CFI: variants seen among roughly 807,000 people sequenced by gnomAD.
CFI encodes the protein complement factor I.
Under a neutral mutation model 78.8 loss-of-function variants are expected in CFI, and 66 were observed. That is an observed-to-expected ratio of 0.84 (90% CI 0.69 to 1.03). The LOEUF (loss-of-function observed/expected upper bound fraction) is 1.03, where lower values mean the gene tolerates loss of function less well. Among genes scored for constraint, CFI ranks in the 50% least tolerant of loss-of-function variants. The pLI is 0.00. For missense variants in CFI, 706 were observed against 704.5 expected, an observed-to-expected ratio of 1.00 and a Z score of -0.02; for synonymous variants, 250 against 232.6, an observed-to-expected ratio of 1.07 and a Z score of -0.68.
chr4:109,777,450 T>C (rs4355392), intron 1 of CFI, among the ~76,000 whole-genome samples: 61,368 of 151,828 alleles, frequency 0.4, 13,319 homozygotes, highest in Admixed American at 0.53. Context: ...AATATATATG[T>C]ACCCAATACA....
intron 8 of CFI, 71 bp downstream of exon 8, chr4:109,752,397 A>G (rs1725251430): frequency 7.6e-7 from 1 of 1,315,774 alleles, no homozygotes; most frequent in African/African-American, 1.4e-5. Context: ...TCAATTATAT[A>G]TATGCAAATG....
In CFI at chr4:109,792,505, C is replaced by T. The variant is rs552911698; in HGVS notation, c.57+9410G>A. ...GCATGAGAATCACTTGAATCAGCTGCAGTGAGCCGATATCATGCCACTGCA... is the reference window on the plus strand; with the variant it reads ...GCATGAGAATCACTTGAATCAGCTGTAGTGAGCCGATATCATGCCACTGCA... On this transcript the variant is annotated intron_variant, in intron 1 of 12. Coordinates refer to ENST00000394634, the MANE Select transcript of CFI (RefSeq NM_000204.5). Among the ~76,000 whole-genome samples, 6 of 152,134 alleles carry T rather than the reference C, an allele frequency of 3.9e-5. No homozygotes were observed. The South Asian group carries it at 1.2e-3, about 32-fold the overall frequency.
intron 1 of CFI, among the ~76,000 whole-genome samples, chr4:109,777,770 A>T (rs1283081024): frequency 6.6e-6 from 1 of 152,202 alleles, no homozygotes; most frequent in East Asian, 1.9e-4. Flanking sequence ...AACAGAAATT[A>T]TAACAAACTG....
At chr4:109,732,622 C>CTGAGA in the CFI span, among the ~76,000 whole-genome samples, 11 of 152,046 alleles carry the variant, frequency 7.2e-5, no homozygotes, top group African/African-American at 2.7e-4. Flanking sequence ...CTTTGGGAGG[C>CTGAGA]TGAGATGGGC....
At position 109,793,987 on chromosome 4, in the gene CFI, C is replaced by T. The variant is rs542463580; in HGVS notation, c.57+7928G>A. ...TTTTACTTTCAACAAATAAAATTTTCATCTGCCCTCCATGGTTTCTGATGA... is the reference window on the plus strand; with the variant it reads ...TTTTACTTTCAACAAATAAAATTTTTATCTGCCCTCCATGGTTTCTGATGA... On this transcript the variant is annotated intron_variant, in intron 1 of 12. Coordinates refer to ENST00000394634, the MANE Select transcript of CFI (RefSeq NM_000204.5). 327 of 152,348 alleles carry T rather than the reference C, an allele frequency of 2.1e-3. 1 individual carries two copies. The highest frequency in any genetic ancestry group is 7.3e-3 in the African/African-American group (303 of 41,582). The allele number at this position is 152,348 out of a possible 1,614,324, so 9.4% of individuals were successfully genotyped here. A position where few individuals can be genotyped will look rare whatever the true frequency, so the allele number is the denominator to read the frequency against.
intron 1 of CFI, among the ~76,000 whole-genome samples, chr4:109,793,111 T>G (rs1035249334): frequency 6.6e-6 from 1 of 152,208 alleles, no homozygotes; most frequent in African/African-American, 2.4e-5. Flanking sequence ...CTCTCTTTAT[T>G]TCCTTCTGTG....
chr4:109,773,827 T>C (rs1384010370), intron 1 of CFI, among the ~76,000 whole-genome samples: 1 of 152,236 alleles, frequency 6.6e-6, no homozygotes, highest in Non-Finnish European at 1.5e-5. Context: ...ATCCTACAAA[T>C]GCAGATTTTT....
rs1727350326 is a variant in CFI at position 109,763,584 on chromosome 4, T to C, written c.482+953A>G. 3.3e-5 allele frequency among the ~76,000 whole-genome samples: 5 copies of C among 152,224 alleles called. No individual in the cohort carries two copies. In the South Asian group the frequency reaches 1.0e-3, roughly 32 times the overall value. Reference sequence around the variant, plus strand: ...AATTAAAACAAATCTAGATATGTGCTGTTTATAAGGAACATGCTTAAAATC... The same window carrying C: ...AATTAAAACAAATCTAGATATGTGCCGTTTATAAGGAACATGCTTAAAATC... On this transcript the variant is annotated intron_variant, in intron 3 of 12. Coordinates refer to ENST00000394634, the MANE Select transcript of CFI (RefSeq NM_000204.5).
At chr4:109,790,617 T>C (rs573895874) in intron 1 of CFI, among the ~76,000 whole-genome samples, 1 of 152,272 alleles carries the variant, frequency 6.6e-6, no homozygotes, top group South Asian at 2.1e-4. Flanking sequence ...AGGCCCAGTG[T>C]GTCTGATAGG....
At chr4:109,790,936 C>A (rs573401702) in intron 1 of CFI, among the ~76,000 whole-genome samples, 1 of 152,148 alleles carries the variant, frequency 6.6e-6, no homozygotes, top group Non-Finnish European at 1.5e-5. Context: ...TATGATAGAA[C>A]AATTTGTACT....
chr4:109,731,758 T>C, the CFI span, among the ~76,000 whole-genome samples: 2 of 152,172 alleles, frequency 1.3e-5, no homozygotes, highest in Non-Finnish European at 2.9e-5. Context: ...CTGGAAGGTA[T>C]TATTATCTTC....
At chr4:109,793,062 T>C (rs188066045) in intron 1 of CFI, among the ~76,000 whole-genome samples, 58 of 152,354 alleles carry the variant, frequency 3.8e-4, no homozygotes, top group Admixed American at 1.0e-3. Flanking sequence ...CTGCCCTTTT[T>C]GTGTTTAGTT....
chr4:109,744,624 C>T lies in CFI; in HGVS notation c.1429+1598G>A, dbSNP rs555915038. On this transcript the variant is annotated intron_variant, in intron 11 of 12. Transcript: ENST00000394634. ...TCTAGTAACTTCTCCTACTCTTCCGCTTTCAGATCCAGGAGTTAAGACAGC... is the reference window on the plus strand; with the variant it reads ...TCTAGTAACTTCTCCTACTCTTCCGTTTTCAGATCCAGGAGTTAAGACAGC... 1.7e-4 allele frequency among the ~76,000 whole-genome samples: 26 copies of T among 152,282 alleles called. 1 individual carries two copies. The highest frequency in any genetic ancestry group is 3.4e-3 in the Middle Eastern group (1 of 294).
chr4:109,770,789 C>G (rs1728489874), intron 1 of CFI, among the ~76,000 whole-genome samples: 1 of 152,056 alleles, frequency 6.6e-6, no homozygotes, highest in African/African-American at 2.4e-5. Flanking sequence ...AGCTGGAAAA[C>G]AGATGGGCTA....
chr4:109,765,315 T>C (rs1239177962), intron 2 of CFI, among the ~76,000 whole-genome samples: 2 of 152,202 alleles, frequency 1.3e-5, no homozygotes, highest in Admixed American at 6.5e-5. Flanking sequence ...TTAAAAAGAA[T>C]GTTTTAAGCA....
intron 1 of CFI, among the ~76,000 whole-genome samples, chr4:109,800,587 C>G (rs1328850553): frequency 6.6e-6 from 1 of 151,994 alleles, no homozygotes; most frequent in Non-Finnish European, 1.5e-5. Context: ...TCTTTTCCAT[C>G]TTTTCTGAAT....
chr4:109,797,048 T>G (rs1447147563), intron 1 of CFI, among the ~76,000 whole-genome samples: 3 of 152,156 alleles, frequency 2.0e-5, no homozygotes, highest in Non-Finnish European at 4.4e-5. Flanking sequence ...TGCAAAGGCA[T>G]TTTTTTACAG....
intron 1 of CFI, among the ~76,000 whole-genome samples, chr4:109,782,023 G>T (rs887461810): frequency 6.6e-6 from 1 of 152,054 alleles, no homozygotes; most frequent in Non-Finnish European, 1.5e-5. Context: ...TGTAATAAAA[G>T]CTATCTATGA....
chr4:109,746,651 T>A, intron 10 of CFI, 149 bp from the exon 11 acceptor site: 2 of 668,166 alleles, frequency 3.0e-6, no homozygotes, highest in Non-Finnish European at 5.0e-6. Context: ...GCAATGAGAT[T>A]AAATTTACTT....
Sources: allele counts gnomAD v4.1 joint callset (sites outside exome capture counted in the v4.1 genomes callset), GRCh38; gene constraint gnomAD v4.1.1; transcripts MANE v1.5; gene names NCBI Gene and HGNC (gene_info 2026-07-23, HGNC 2026-07-21).